Variants in NAV2 observed in about 807,000 individuals in gnomAD.
The protein encoded by NAV2 is helicase, APC down-regulated 1.
A neutral mutation model predicts 223.2 loss-of-function variants in NAV2; 54 were observed. The observed-to-expected ratio is 0.24, with a 90% CI of 0.19 to 0.30. NAV2 has a LOEUF of 0.30. Among genes scored for constraint, NAV2 ranks in the 10% least tolerant of loss-of-function variants. NAV2 has a pLI of 1.00. For synonymous variants in NAV2, 1,279 were observed against 1,239.3 expected, an observed-to-expected ratio of 1.03 and a Z score of -0.67; for missense variants, 2,806 against 3,147.5, an observed-to-expected ratio of 0.89 and a Z score of 2.60.
intron 1 of NAV2, among the ~76,000 whole-genome samples, chr11:19,743,079 C>T (rs1378140184): frequency 6.6e-6 from 1 of 152,162 alleles, no homozygotes; most frequent in Non-Finnish European, 1.5e-5. Flanking sequence ...AGTTGTGTAG[C>T]CTTGGTTCAA....
chr11:20,031,730 C>T (rs958265105), intron 11 of NAV2, among the ~76,000 whole-genome samples: 2 of 131,562 alleles, frequency 1.5e-5, no homozygotes, highest in African/African-American at 3.3e-5. Context: ...TCTTCATTTT[C>T]GCTTTGTGTG....
chr11:20,056,079 C>G, intron 19 of NAV2, 122 bp downstream of exon 19: 1 of 805,714 alleles, frequency 1.2e-6, no homozygotes, highest in Non-Finnish European at 1.9e-6. Context: ...ATAAGTGCTC[C>G]CACCTCTCCC....
intron 1 of NAV2, among the ~76,000 whole-genome samples, chr11:19,597,367 A>G (rs1258193250): frequency 6.6e-6 from 1 of 152,240 alleles, no homozygotes; most frequent in Non-Finnish European, 1.5e-5. Context: ...AGAGGATAAT[A>G]GCAGCCAATC....
intron 3 of NAV2, among the ~76,000 whole-genome samples, chr11:19,852,906 G>C (rs1590888927): frequency 6.6e-6 from 1 of 152,314 alleles, no homozygotes; most frequent in East Asian, 1.9e-4. Context: ...TGAGCGCACT[G>C]TGTAAGTTTA....
At chr11:19,964,492 C>CTTTTTT (rs1555171616) in intron 10 of NAV2, among the ~76,000 whole-genome samples, 7 of 146,654 alleles carry the variant, frequency 4.8e-5, no homozygotes, top group African/African-American at 1.8e-4. Context: ...TTTTCATCCT[C>CTTTTTT]TTTTTTTTTT....
At chr11:19,403,719 T>A (rs913420214) in intron 1 of NAV2, among the ~76,000 whole-genome samples, 17 of 152,010 alleles carry the variant, frequency 1.1e-4, no homozygotes, top group Admixed American at 5.9e-4. Context: ...TCTGTTCTAG[T>A]GTGGGAAGGC....
chr11:19,674,447 C>T (rs983476405), intron 1 of NAV2, among the ~76,000 whole-genome samples: 11 of 152,122 alleles, frequency 7.2e-5, no homozygotes, highest in African/African-American at 2.2e-4. Flanking sequence ...TTATAAGCAA[C>T]GAGCCCCAAA....
Position 19,822,549 on chromosome 11 carries a change from C to T in NAV2, c.268-9935C>T, listed in dbSNP as rs576466080. On this transcript the variant is annotated intron_variant, in intron 1 of 37. Transcript: ENST00000349880. ...GATGAAAATCCTAATTAATGAGAAG[C>T]TGTGCCACTCTTGCTGGTCACTTGC... Among the ~76,000 whole-genome samples, 51 of 152,246 alleles carry T rather than the reference C, an allele frequency of 3.3e-4. No individual in the cohort carries two copies. In the Middle Eastern group the frequency reaches 0.014, roughly 41 times the overall value.
At chr11:19,891,825 A>C (rs1478576247) in intron 5 of NAV2, among the ~76,000 whole-genome samples, 1 of 152,218 alleles carries the variant, frequency 6.6e-6, no homozygotes, top group African/African-American at 2.4e-5. Context: ...GAAGAGATGC[A>C]CACACAAGGT....
intron 26 of NAV2, among the ~76,000 whole-genome samples, chr11:20,086,525 G>GC (rs1314873394): frequency 3.3e-5 from 5 of 151,944 alleles, no homozygotes; most frequent in African/African-American, 9.7e-5. Context: ...TGCACATGTT[G>GC]CCCCCTGACA....
At chr11:19,623,190 C>A (rs1244870196) in intron 1 of NAV2, among the ~76,000 whole-genome samples, 2 of 152,114 alleles carry the variant, frequency 1.3e-5, no homozygotes, top group South Asian at 2.1e-4. Flanking sequence ...TTCTGGCTGC[C>A]CTTAACATTT....
At chr11:19,918,265 T>C (rs958511170) in intron 6 of NAV2, among the ~76,000 whole-genome samples, 13 of 152,262 alleles carry the variant, frequency 8.5e-5, no homozygotes, top group African/African-American at 3.1e-4. Context: ...TGACTCTTGC[T>C]GGAGAAAGTT....
chr11:19,353,734 A>G (rs1853455850), intron 1 of NAV2, among the ~76,000 whole-genome samples: 1 of 152,162 alleles, frequency 6.6e-6, no homozygotes, highest in Non-Finnish European at 1.5e-5. Flanking sequence ...TTTGTTTTAA[A>G]TCCTTAAAAA....
chr11:19,937,598 T>C (rs1228216059), intron 7 of NAV2, among the ~76,000 whole-genome samples: 1 of 152,180 alleles, frequency 6.6e-6, no homozygotes, highest in African/African-American at 2.4e-5. Flanking sequence ...GATGCTGAGA[T>C]TCAAAGAGGT....
intron 1 of NAV2, among the ~76,000 whole-genome samples, chr11:19,769,884 CAT>C (rs1173309433): frequency 6.6e-6 from 1 of 152,068 alleles, no homozygotes; most frequent in East Asian, 1.9e-4. Flanking sequence ...TCCCAGGAAA[CAT>C]AGACCACAGC....
intron 1 of NAV2, among the ~76,000 whole-genome samples, chr11:19,532,343 T>G (rs184602795): frequency 6.6e-6 from 1 of 152,326 alleles, no homozygotes; most frequent in Non-Finnish European, 1.5e-5. Context: ...CTGGACTGTT[T>G]TCTCATCAGT....
At chr11:19,628,475 C>T (rs922530401) in intron 1 of NAV2, among the ~76,000 whole-genome samples, 1 of 152,178 alleles carries the variant, frequency 6.6e-6, no homozygotes, top group African/African-American at 2.4e-5. Context: ...CAGATATCCC[C>T]ACACCCCGTA....
intron 1 of NAV2, among the ~76,000 whole-genome samples, chr11:19,393,816 A>G (rs1849336905): frequency 6.6e-6 from 1 of 150,880 alleles, no homozygotes; most frequent in Non-Finnish European, 1.5e-5. Flanking sequence ...CTCGCCTTAA[A>G]TTTGAAATGT....
At chr11:20,068,472 C>T (rs1591962766) in intron 22 of NAV2, 74 bp downstream of exon 22, 1 of 1,098,810 alleles carries the variant, frequency 9.1e-7, no homozygotes, top group East Asian at 2.4e-5. Flanking sequence ...CTCAAGTCCT[C>T]CTGTGCTGAA....
Sources: gnomAD v4.1 joint callset for allele counts (sites outside exome capture counted in the v4.1 genomes callset) on GRCh38, gnomAD v4.1.1 for gene constraint, MANE v1.5 for transcripts, NCBI Gene and HGNC (gene_info 2026-07-23, HGNC 2026-07-21) for gene names.